Variants in ATOSA observed in about 807,000 individuals in gnomAD.
The protein encoded by ATOSA is atos homolog A.
chr15:52,702,104 A>G, the ATOSA span, among the ~76,000 whole-genome samples: 1 of 152,186 alleles, frequency 6.6e-6, no homozygotes, highest in African/African-American at 2.4e-5. Context: ...GCTATAAAAA[A>G]GTCAAAAAAC....
the ATOSA span, among the ~76,000 whole-genome samples, chr15:52,647,479 CA>C: frequency 6.6e-6 from 1 of 152,178 alleles, no homozygotes; most frequent in Non-Finnish European, 1.5e-5. Context: ...TTTAATATTT[CA>C]AGACAATTAC....
the ATOSA span, among the ~76,000 whole-genome samples, chr15:52,587,825 T>C: frequency 6.6e-6 from 1 of 152,254 alleles, no homozygotes; most frequent in Non-Finnish European, 1.5e-5. Flanking sequence ...TGGAATGTTC[T>C]ATAGTAAAGC....
the ATOSA span, chr15:52,609,735 T>C: frequency 6.2e-7 from 1 of 1,613,628 alleles, no homozygotes; most frequent in Non-Finnish European, 8.5e-7. Flanking sequence ...TAAATGGACG[T>C]CCAGAAACAT....
chr15:52,708,826 C>T, the ATOSA span, among the ~76,000 whole-genome samples: 5 of 152,078 alleles, frequency 3.3e-5, no homozygotes, highest in Non-Finnish European at 7.4e-5. Context: ...TCCCTTCCTC[C>T]CTGGTAGGAT....
chr15:52,652,074 C>G, the ATOSA span: 1 of 1,445,526 alleles, frequency 6.9e-7, no homozygotes, highest in South Asian at 1.5e-5. Context: ...AGTAAGAGCG[C>G]ACATAGCAAC....
the ATOSA span, among the ~76,000 whole-genome samples, chr15:52,597,046 G>A: frequency 6.6e-6 from 1 of 152,218 alleles, no homozygotes; most frequent in Non-Finnish European, 1.5e-5. Context: ...TGGCAAGGAT[G>A]TGGAAGAACT....
the ATOSA span, among the ~76,000 whole-genome samples, chr15:52,643,066 C>T: frequency 6.6e-6 from 1 of 152,150 alleles, no homozygotes; most frequent in Non-Finnish European, 1.5e-5. Flanking sequence ...CAAGATGCCC[C>T]ACCCTCTGTA....
chr15:52,695,815 G>A, the ATOSA span, among the ~76,000 whole-genome samples: 27 of 152,322 alleles, frequency 1.8e-4, no homozygotes, highest in South Asian at 4.1e-4. Context: ...AAGACATGAA[G>A]GAGTTAAGGG....
chr15:52,601,296 T>C, the ATOSA span: 1 of 590,402 alleles, frequency 1.7e-6, no homozygotes, highest in Non-Finnish European at 3.0e-6. Context: ...TAATAGCTTA[T>C]TTAAAATCAT....
At chr15:52,640,760 G>C in the ATOSA span, among the ~76,000 whole-genome samples, 1 of 151,352 alleles carries the variant, frequency 6.6e-6, no homozygotes, top group Non-Finnish European at 1.5e-5. Context: ...ATGATTTTCA[G>C]CTTCTTTTAA....
At chr15:52,671,308 C>T in the ATOSA span, among the ~76,000 whole-genome samples, 44 of 152,278 alleles carry the variant, frequency 2.9e-4, no homozygotes, top group South Asian at 7.9e-3. Flanking sequence ...AACAGCCTAA[C>T]AGTCATTAAT....
the ATOSA span, among the ~76,000 whole-genome samples, chr15:52,682,445 C>T: frequency 1.3e-5 from 2 of 152,106 alleles, no homozygotes; most frequent in African/African-American, 4.8e-5. Flanking sequence ...GTAGAAGACA[C>T]ACAGGGAAGA....
the ATOSA span, among the ~76,000 whole-genome samples, chr15:52,651,641 T>C: frequency 7.9e-5 from 12 of 152,224 alleles, no homozygotes; most frequent in Non-Finnish European, 1.2e-4. Context: ...TTCCTACTCA[T>C]TGTTCAGTTC....
At chr15:52,608,194 G>C in the ATOSA span, among the ~76,000 whole-genome samples, 1 of 152,114 alleles carries the variant, frequency 6.6e-6, no homozygotes, top group Non-Finnish European at 1.5e-5. Flanking sequence ...CCTGGCCTGG[G>C]TGCTTCTGAC....
chr15:52,593,484 TG>T, the ATOSA span: 1 of 1,202,994 alleles, frequency 8.3e-7, no homozygotes, highest in African/African-American at 1.5e-5. Flanking sequence ...TGTTAGGAAA[TG>T]ATTTATATTT....
the ATOSA span, among the ~76,000 whole-genome samples, chr15:52,599,834 A>C: frequency 2.1e-4 from 32 of 152,282 alleles, no homozygotes; most frequent in African/African-American, 7.2e-4. Flanking sequence ...AATTTTACCA[A>C]GTAAGAAGAT....
At chr15:52,643,114 C>A in the ATOSA span, among the ~76,000 whole-genome samples, 1 of 152,204 alleles carries the variant, frequency 6.6e-6, no homozygotes, top group Admixed American at 6.5e-5. Flanking sequence ...GTTTCCAGAA[C>A]TCCCCTCATA....
chr15:52,657,519 A>G, the ATOSA span: 1 of 152,186 alleles, frequency 6.6e-6, no homozygotes, highest in East Asian at 1.9e-4. Context: ...TTTTCCTCTG[A>G]ATAAGAGTCA....
At chr15:52,649,513 G>C in the ATOSA span, 4 of 151,940 alleles carry the variant, frequency 2.6e-5, no homozygotes, top group Non-Finnish European at 5.9e-5. Context: ...AAAACAATCT[G>C]TTTTACTTAA....
Sources: allele counts gnomAD v4.1 joint callset (sites outside exome capture counted in the v4.1 genomes callset), GRCh38; gene constraint gnomAD v4.1.1; transcripts MANE v1.5; gene names NCBI Gene and HGNC (gene_info 2026-07-23, HGNC 2026-07-21).